The following NLGN1 variants were observed in gnomAD, a reference collection of about 807,000 sequenced individuals.
NLGN1 encodes the protein neuroligin 1.
In NLGN1, 12 loss-of-function variants were observed where a neutral mutation model predicts 65.5. The ratio of observed to expected loss-of-function variants is 0.18; its 90% CI spans 0.12 to 0.30. The LOEUF (loss-of-function observed/expected upper bound fraction) is 0.30, where lower values mean the gene tolerates loss of function less well. NLGN1 is among the 10% of genes least tolerant of loss of function. NLGN1 has a pLI of 1.00. For missense variants in NLGN1, 750 were observed against 1,007.1 expected (o/e 0.74, Z 3.46); for synonymous variants, 350 against 359.5 (o/e 0.97, Z 0.30).
chr3:173,755,253 T>C (rs757620306), intron 3 of NLGN1, among the ~76,000 whole-genome samples: 2 of 152,132 alleles, frequency 1.3e-5, no homozygotes, highest in Non-Finnish European at 2.9e-5. Context: ...GTTATATTGG[T>C]ATAATATTGA....
At chr3:173,581,891 G>T (rs1446151488) in intron 2 of NLGN1, among the ~76,000 whole-genome samples, 3 of 151,954 alleles carry the variant, frequency 2.0e-5, no homozygotes, top group African/African-American at 7.2e-5. Context: ...GATTCAGGCT[G>T]AGAAATAGAG....
chr3:174,242,388 C>G (rs1236653969), intron 4 of NLGN1, among the ~76,000 whole-genome samples: 1 of 147,368 alleles, frequency 6.8e-6, no homozygotes, highest in Non-Finnish European at 1.5e-5. Flanking sequence ...GTGAGACTGT[C>G]TCACAAAAAC....
At chr3:173,597,406 A>G (rs1378843939) in intron 2 of NLGN1, among the ~76,000 whole-genome samples, 2 of 152,204 alleles carry the variant, frequency 1.3e-5, no homozygotes, top group Admixed American at 6.5e-5. Flanking sequence ...GCGATTGGCA[A>G]GTAGAGGGTG....
At chr3:173,441,884 G>A (rs1474023154) in intron 2 of NLGN1, among the ~76,000 whole-genome samples, 2 of 152,168 alleles carry the variant, frequency 1.3e-5, no homozygotes, top group African/African-American at 4.8e-5. Flanking sequence ...AGGTATGCCT[G>A]TATTTGAAGT....
chr3:174,092,077 A>G (rs909811969), intron 4 of NLGN1, among the ~76,000 whole-genome samples: 1 of 152,010 alleles, frequency 6.6e-6, no homozygotes, highest in Non-Finnish European at 1.5e-5. Context: ...AATATGTATG[A>G]AGAGATAAAT....
chr3:173,497,547 T>A (rs1730239396), intron 2 of NLGN1, among the ~76,000 whole-genome samples: 1 of 151,860 alleles, frequency 6.6e-6, no homozygotes, highest in Admixed American at 6.6e-5. Context: ...ATGTATCTAT[T>A]TCATAGCATA....
At chr3:174,084,235 T>A (rs998755408) in intron 4 of NLGN1, among the ~76,000 whole-genome samples, 16 of 152,020 alleles carry the variant, frequency 1.1e-4, no homozygotes, top group East Asian at 1.9e-4. Flanking sequence ...CACAATTTTT[T>A]AAAAAAAGAG....
chr3:174,096,202 A>C (rs1205651763), intron 4 of NLGN1, among the ~76,000 whole-genome samples: 1 of 149,790 alleles, frequency 6.7e-6, no homozygotes, highest in Non-Finnish European at 1.5e-5. Flanking sequence ...ATACATATGT[A>C]ATATATATGT....
intron 3 of NLGN1, among the ~76,000 whole-genome samples, chr3:173,803,310 C>T (rs951359574): frequency 6.6e-6 from 1 of 151,874 alleles, no homozygotes; most frequent in African/African-American, 2.4e-5. Flanking sequence ...CTAATAATGC[C>T]TTCATATTAA....
intron 4 of NLGN1, among the ~76,000 whole-genome samples, chr3:174,232,312 A>G (rs975855596): frequency 6.6e-6 from 1 of 152,136 alleles, no homozygotes; most frequent in African/African-American, 2.4e-5. Context: ...CAGTGAAGGC[A>G]GGAACAGGCC....
intron 2 of NLGN1, among the ~76,000 whole-genome samples, chr3:173,592,622 A>G (rs533763962): frequency 1.3e-5 from 2 of 152,222 alleles, no homozygotes; most frequent in Non-Finnish European, 2.9e-5. Context: ...AGCATCACAG[A>G]TGGATAAATA....
chr3:173,921,118 T>A (rs1296279420), intron 4 of NLGN1, among the ~76,000 whole-genome samples: 1 of 149,474 alleles, frequency 6.7e-6, no homozygotes, highest in Non-Finnish European at 1.5e-5. Flanking sequence ...TTACAGGAAG[T>A]TCATAGCAAT....
At chr3:173,430,765 T>TCTGGC (rs777326011) in intron 1 of NLGN1, among the ~76,000 whole-genome samples, 2 of 152,186 alleles carry the variant, frequency 1.3e-5, no homozygotes, top group Non-Finnish European at 2.9e-5. Flanking sequence ...TTAAAAACAG[T>TCTGGC]CTGGCATCTC....
intron 4 of NLGN1, among the ~76,000 whole-genome samples, chr3:174,057,342 T>C (rs892453079): frequency 6.6e-6 from 1 of 152,020 alleles, no homozygotes; most frequent in African/African-American, 2.4e-5. Context: ...AACCAGCACC[T>C]TATGGAGATG....
intron 3 of NLGN1, among the ~76,000 whole-genome samples, chr3:173,798,672 G>A (rs1714714598): frequency 1.3e-5 from 2 of 152,008 alleles, no homozygotes; most frequent in Admixed American, 1.3e-4. Context: ...ATTGCTTGCA[G>A]GTGTGATTAT....
chr3:173,820,248 A>G (rs1578610056), intron 4 of NLGN1, among the ~76,000 whole-genome samples: 1 of 151,744 alleles, frequency 6.6e-6, no homozygotes, highest in East Asian at 1.9e-4. Context: ...GTGGCAAGAA[A>G]GTCTCCTGGA....
At chr3:174,020,462 A>G (rs1014329081) in intron 4 of NLGN1, among the ~76,000 whole-genome samples, 1 of 152,060 alleles carries the variant, frequency 6.6e-6, no homozygotes, top group African/African-American at 2.4e-5. Context: ...TTCTTACTTT[A>G]TATTTTTTCT....
chr3:173,527,060 A>G (rs1290820353), intron 2 of NLGN1, among the ~76,000 whole-genome samples: 1 of 152,214 alleles, frequency 6.6e-6, no homozygotes, highest in Non-Finnish European at 1.5e-5. Context: ...TAAACATGGG[A>G]ATGCAGATAT....
intron 3 of NLGN1, among the ~76,000 whole-genome samples, chr3:173,607,367 A>G (rs1421682770): frequency 6.6e-6 from 1 of 151,858 alleles, no homozygotes; most frequent in African/African-American, 2.4e-5. Context: ...CATACTATTA[A>G]CTATGCATTC....
Sources: allele counts gnomAD v4.1 joint callset (sites outside exome capture counted in the v4.1 genomes callset), GRCh38; gene constraint gnomAD v4.1.1; transcripts MANE v1.5; gene names NCBI Gene and HGNC (gene_info 2026-07-23, HGNC 2026-07-21).